The following SPATC1L variants were observed in gnomAD, a reference collection of about 807,000 sequenced individuals.
SPATC1L encodes spermatogenesis and centriole associated 1 like, also known as speriolin-like protein.
Under a neutral mutation model 21.2 loss-of-function variants are expected in SPATC1L, and 20 were observed. That is an observed-to-expected ratio of 0.94 (90% CI 0.66 to 1.37). The LOEUF is 1.37. Ranked by LOEUF, SPATC1L falls within the 40% of genes most tolerant of loss-of-function variation. SPATC1L has a pLI of 0.00. For missense variants in SPATC1L, 499 were observed against 478.7 expected, an observed-to-expected ratio of 1.04 and a Z score of -0.40; for synonymous variants, 290 against 234.5, an observed-to-expected ratio of 1.24 and a Z score of -2.16.
intron 2 of SPATC1L, among the ~76,000 whole-genome samples, chr21:46,169,102 T>C (rs1334182550): frequency 6.6e-6 from 1 of 152,288 alleles, no homozygotes; most frequent in East Asian, 1.9e-4. Context: ...CATTTAACTG[T>C]TTCCTGGCAA....
chr21:46,173,196 A>G (rs13046169), intron 2 of SPATC1L, among the ~76,000 whole-genome samples: 111,288 of 151,580 alleles, frequency 0.73, 42,182 homozygotes, highest in East Asian at 1. Context: ...AGATGGGACC[A>G]GTCCAACCTG....
At chr21:46,175,157 G>A (rs934008402) in intron 2 of SPATC1L, among the ~76,000 whole-genome samples, 2 of 152,122 alleles carry the variant, frequency 1.3e-5, no homozygotes, top group African/African-American at 4.8e-5. Flanking sequence ...ACACAGCTAG[G>A]GCAGTGTTAA....
At chr21:46,162,894 T>G (rs1016740423) in intron 3 of SPATC1L, among the ~76,000 whole-genome samples, 1 of 152,054 alleles carries the variant, frequency 6.6e-6, no homozygotes, top group Admixed American at 6.5e-5. Flanking sequence ...GCCCAGGACA[T>G]TCTACTTTAA....
chr21:46,172,974 G>A (rs2079604907), intron 2 of SPATC1L, among the ~76,000 whole-genome samples: 1 of 152,186 alleles, frequency 6.6e-6, no homozygotes, highest in Non-Finnish European at 1.5e-5. Flanking sequence ...CCAGCTGGGG[G>A]AGACCCCTTG....
chr21:46,178,977 G>T (rs983324366), intron 2 of SPATC1L, among the ~76,000 whole-genome samples: 2 of 152,006 alleles, frequency 1.3e-5, no homozygotes, highest in African/African-American at 4.8e-5. Context: ...AGTGGCTCAA[G>T]CCTGTAATCC....
chr21:46,162,664 G>A (rs1004037632), intron 3 of SPATC1L, among the ~76,000 whole-genome samples: 33 of 135,950 alleles, frequency 2.4e-4, no homozygotes, highest in Admixed American at 1.1e-3. Flanking sequence ...TCCACTCACC[G>A]CAACCTCCGC....
At chr21:46,173,623 C>T (rs1042512614) in intron 2 of SPATC1L, among the ~76,000 whole-genome samples, 1 of 152,100 alleles carries the variant, frequency 6.6e-6, no homozygotes, top group Non-Finnish European at 1.5e-5. Context: ...GATCCTCCCC[C>T]ACCCTGAGCG....
intron 3 of SPATC1L, among the ~76,000 whole-genome samples, chr21:46,165,756 A>G (rs1389519470): frequency 6.7e-6 from 1 of 149,740 alleles, no homozygotes; most frequent in African/African-American, 2.5e-5. Context: ...CTTAGATTCC[A>G]GAACACTCTC....
At chr21:46,163,378 T>G (rs1346166601) in intron 3 of SPATC1L, among the ~76,000 whole-genome samples, 1 of 152,236 alleles carries the variant, frequency 6.6e-6, no homozygotes, top group Non-Finnish European at 1.5e-5. Flanking sequence ...GTTTCTCTCT[T>G]TTGCTCATGC....
intron 3 of SPATC1L, among the ~76,000 whole-genome samples, chr21:46,162,590 C>T (rs868831464): frequency 1.5e-5 from 2 of 133,394 alleles, no homozygotes; most frequent in African/African-American, 3.0e-5. Context: ...GTTGGCAGGA[C>T]TTTTTTTTTT....
chr21:46,168,120 T>C (rs969252678), intron 3 of SPATC1L, among the ~76,000 whole-genome samples, 188 bp downstream of exon 3: 2 of 152,150 alleles, frequency 1.3e-5, no homozygotes, highest in Non-Finnish European at 2.9e-5. Context: ...ACCCATTTTA[T>C]CTTTAAAGAT....
chr21:46,161,557 T>C lies in SPATC1L; in HGVS notation c.845A>G (p.Tyr282Cys), dbSNP rs775664651. ...GTCGGGCCGCTGCTTCAGGATTCCG[T>C]AGGTGTTGATGAGGAACTCGCTGAA... ...PAFSEFLINT[Y>C]GILKQRPDLR... is the part of the protein sequence containing the mutation. The change falls in exon 5 of 5, where the codon TAC (tyrosine) becomes TGC (cysteine). Residue 282 changes from tyrosine to cysteine, a missense_variant. Physicochemically the swap from Tyr to Cys is radical, Grantham distance 194. Coordinates refer to ENST00000291672, the MANE Select transcript of SPATC1L (RefSeq NM_001142854.2). The C allele has an allele frequency of 1.2e-6, 2 of 1,610,728 alleles. No homozygotes were observed. Among genetic ancestry groups the C allele is most frequent in the South Asian group, 2.2e-5 (2 of 90,846 alleles).
Position 46,161,501 on chromosome 21 carries a change from C to G in SPATC1L, c.901G>C (p.Ala301Pro). ...LRANPLHSSP[A>P]ALRKLVIDVV... Reference sequence around the variant, plus strand: ...TCGATGACCAGCTTGCGCAGCGCGGCCGGGCTGCTGTGCAGGGGGTTGGCG... The same window carrying G: ...TCGATGACCAGCTTGCGCAGCGCGGGCGGGCTGCTGTGCAGGGGGTTGGCG... Residue 301 changes from alanine (A) to proline (P), a missense_variant, in exon 5 of 5, where the codon GCC becomes CCC. By Grantham distance (27) the Ala-to-Pro change is conservative. Transcript: ENST00000291672. 1.2e-6 allele frequency: 2 copies of G among 1,607,320 alleles called. No homozygotes were observed. Among genetic ancestry groups the G allele is most frequent in the Non-Finnish European group, 1.7e-6 (2 of 1,176,772 alleles).
chr21:46,162,145 G>A (rs927821318), intron 3 of SPATC1L, 78 bp from the exon 4 acceptor site: 7 of 1,440,404 alleles, frequency 4.9e-6, no homozygotes, highest in Non-Finnish European at 5.5e-6. Flanking sequence ...CGGCCACGTG[G>A]GGGGCGGCTC....
At chr21:46,165,967 C>A (rs975778900) in intron 3 of SPATC1L, among the ~76,000 whole-genome samples, 1 of 152,076 alleles carries the variant, frequency 6.6e-6, no homozygotes, top group Non-Finnish European at 1.5e-5. Context: ...GAATAAATAA[C>A]ACCAATTCAA....
chr21:46,166,167 A>T (rs1271161526), intron 3 of SPATC1L, among the ~76,000 whole-genome samples: 1 of 152,172 alleles, frequency 6.6e-6, no homozygotes, highest in Admixed American at 6.5e-5. Flanking sequence ...GGAGTTTGAG[A>T]CCAGCCTGGT....
intron 2 of SPATC1L, among the ~76,000 whole-genome samples, chr21:46,171,857 G>A (rs1243257863): frequency 2.8e-5 from 4 of 144,642 alleles, no homozygotes; most frequent in East Asian, 2.2e-4. Flanking sequence ...GGCTGGAACC[G>A]TAGAACAGGT....
In SPATC1L at chr21:46,182,621, C is replaced by T. The variant is rs2079683480; in HGVS notation, c.193+3G>A. On this transcript the variant is annotated splice_donor_region_variant and intron_variant, in intron 2 of 4. Transcript: ENST00000291672. ...AGGCCATCTGAGCTGGGCGGCGCCT[C>T]ACCTCCGCTCCCGGGGGAGCCGGCC... 1 of 1,490,272 alleles carries T rather than the reference C, an allele frequency of 6.7e-7. No homozygotes were observed. Among genetic ancestry groups the T allele is most frequent in the African/African-American group, 1.4e-5 (1 of 71,210 alleles). 92.3% of individuals were successfully genotyped at this position (1,490,272 alleles called of 1,614,324 possible). A position where few individuals can be genotyped will look rare whatever the true frequency, so the allele number is the denominator to read the frequency against.
rs1455566562 is a variant in SPATC1L, at chr21:46,168,585, C to T, written c.267G>A (p.Leu89=). 4.8e-6 allele frequency: 7 copies of T among 1,444,406 alleles called. 1 individual carries two copies. In the South Asian group the frequency reaches 1.0e-4, roughly 21 times the overall value. 89.5% of individuals were successfully genotyped at this position (1,444,406 alleles called of 1,614,324 possible). The change falls in exon 3 of 5, where the codon CTG becomes CTA. Residue 89 remains leucine, a synonymous_variant. Transcript: ENST00000291672. ...SQLQTSSLED[L]LCSHAPLSSE... is the part of the protein sequence containing the mutation. Reference sequence around the variant, plus strand: ...TGGACAGGGGGGCATGTGAGCACAGCAGGTCCTCCAGGGAGGATGTCTGCA... The same window carrying T: ...TGGACAGGGGGGCATGTGAGCACAGTAGGTCCTCCAGGGAGGATGTCTGCA...
Sources: allele counts gnomAD v4.1 joint callset (sites outside exome capture counted in the v4.1 genomes callset), GRCh38; gene constraint gnomAD v4.1.1; transcripts MANE v1.5; gene names NCBI Gene and HGNC (gene_info 2026-07-23, HGNC 2026-07-21).